Variants in RSPO3 observed in about 807,000 individuals in gnomAD.
RSPO3 encodes the protein R-spondin-3.
Under a neutral mutation model 36.5 loss-of-function variants are expected in RSPO3, and 17 were observed. That is an observed-to-expected ratio of 0.47 (90% CI 0.32 to 0.70). The LOEUF is 0.70. RSPO3 is among the 30% of genes least tolerant of loss of function. The pLI, the probability that RSPO3 is intolerant of heterozygous loss-of-function variation, is 0.04. For synonymous variants in RSPO3, 108 were observed against 107.0 expected (o/e 1.01, Z -0.06); for missense variants, 294 against 322.5 (o/e 0.91, Z 0.68).
intron 1 of RSPO3, among the ~76,000 whole-genome samples, chr6:127,142,816 T>G (rs558049877): frequency 6.6e-6 from 1 of 151,988 alleles, no homozygotes; most frequent in Non-Finnish European, 1.5e-5. Flanking sequence ...GTTTGTTTGT[T>G]TTTGTTTTTG....
Position 127,198,585 on chromosome 6 carries a change from T to G in RSPO3, c.*2578T>G, listed in dbSNP as rs1347241290. Among the ~76,000 whole-genome samples, 1 of 152,088 alleles carries G rather than the reference T, an allele frequency of 6.6e-6. No homozygotes were observed. Among genetic ancestry groups the G allele is most frequent in the Non-Finnish European group, 1.5e-5 (1 of 67,998 alleles). ...TTATTGATTCGAAGAATCGAGAGAG[T>G]GCAGCAACATAAATCTGTTAATGTC... On this transcript the variant is annotated 3_prime_UTR_variant, in exon 5 of 5. Transcript: ENST00000356698.
intron 4 of RSPO3, among the ~76,000 whole-genome samples, chr6:127,187,999 T>C (rs944396271): frequency 3.9e-5 from 6 of 152,128 alleles, no homozygotes. Context: ...GGCATCCTAG[T>C]ATGCAATACC....
At chr6:127,187,174 C>T (rs145855917) in intron 4 of RSPO3, among the ~76,000 whole-genome samples, 1 of 152,156 alleles carries the variant, frequency 6.6e-6, no homozygotes, top group East Asian at 1.9e-4. Flanking sequence ...CACATCAATT[C>T]GTTTTTGAGA....
intron 2 of RSPO3, among the ~76,000 whole-genome samples, chr6:127,149,708 C>T (rs968047253): frequency 2.0e-5 from 3 of 151,970 alleles, no homozygotes; most frequent in Non-Finnish European, 4.4e-5. Flanking sequence ...ACTAGACTGC[C>T]TGGTTTCAAA....
intron 1 of RSPO3, among the ~76,000 whole-genome samples, chr6:127,135,389 C>G (rs552675298): frequency 4.1e-5 from 6 of 147,228 alleles, no homozygotes; most frequent in Non-Finnish European, 8.9e-5. Flanking sequence ...CCACTGCACT[C>G]CAGCCTGGCA....
At chr6:127,160,027 A>G (rs1038546590) in intron 4 of RSPO3, among the ~76,000 whole-genome samples, 17 of 151,872 alleles carry the variant, frequency 1.1e-4, no homozygotes, top group African/African-American at 4.1e-4. Context: ...TTGCTGAATC[A>G]CTATTTAGCT....
intron 4 of RSPO3, among the ~76,000 whole-genome samples, chr6:127,179,030 C>T (rs924537893): frequency 2.0e-5 from 3 of 151,864 alleles, no homozygotes; most frequent in Non-Finnish European, 4.4e-5. Flanking sequence ...CCTGTTTTCA[C>T]ATTCTTTCAT....
At chr6:127,147,684 A>G (rs1478325159) in intron 1 of RSPO3, among the ~76,000 whole-genome samples, 3 of 152,156 alleles carry the variant, frequency 2.0e-5, no homozygotes, top group Non-Finnish European at 2.9e-5. Flanking sequence ...TCTCCCAAAT[A>G]TTCATTTCTG....
At chr6:127,148,578 T>C in intron 1 of RSPO3, 70 bp from the exon 2 acceptor site, 2 of 1,302,812 alleles carry the variant, frequency 1.5e-6, no homozygotes, top group South Asian at 3.1e-5. Flanking sequence ...ACATATATCC[T>C]GCCCAGAAAA....
At chr6:127,187,295 C>T (rs1775315537) in intron 4 of RSPO3, among the ~76,000 whole-genome samples, 1 of 151,968 alleles carries the variant, frequency 6.6e-6, no homozygotes, top group Admixed American at 6.6e-5. Context: ...GTTAGGACGC[C>T]CCACTGACTA....
chr6:127,154,526 T>G (rs1276146172), intron 3 of RSPO3, among the ~76,000 whole-genome samples: 1 of 152,158 alleles, frequency 6.6e-6, no homozygotes, highest in Non-Finnish European at 1.5e-5. Flanking sequence ...TGACCCAGAA[T>G]TCACATATAA....
At chr6:127,156,032 T>G (rs1198635428) in intron 4 of RSPO3, among the ~76,000 whole-genome samples, 1 of 152,042 alleles carries the variant, frequency 6.6e-6, no homozygotes, top group East Asian at 1.9e-4. Flanking sequence ...CCTCCCAAAA[T>G]GCTGGGATTA....
intron 4 of RSPO3, among the ~76,000 whole-genome samples, chr6:127,183,146 G>A (rs926366322): frequency 5.3e-5 from 8 of 151,904 alleles, no homozygotes; most frequent in Non-Finnish European, 1.0e-4. Context: ...CAACCTCAGG[G>A]AAACTCTGAA....
chr6:127,174,770 T>C (rs1429263243), intron 4 of RSPO3, among the ~76,000 whole-genome samples: 1 of 151,858 alleles, frequency 6.6e-6, no homozygotes, highest in Non-Finnish European at 1.5e-5. Flanking sequence ...ACACATTTTT[T>C]TAAAGTATTT....
chr6:127,157,290 T>C (rs1774612800), intron 4 of RSPO3, among the ~76,000 whole-genome samples: 2 of 152,152 alleles, frequency 1.3e-5, no homozygotes, highest in South Asian at 4.1e-4. Context: ...TTGTACGTTA[T>C]TAATCAGTAT....
intron 4 of RSPO3, among the ~76,000 whole-genome samples, chr6:127,165,859 C>T (rs1037686608): frequency 4.6e-5 from 7 of 151,890 alleles, no homozygotes; most frequent in Non-Finnish European, 1.0e-4. Context: ...GTTTGGCTTA[C>T]ACAAAAGCTG....
chr6:127,137,326 G>A (rs1453325842), intron 1 of RSPO3, among the ~76,000 whole-genome samples: 1 of 152,068 alleles, frequency 6.6e-6, no homozygotes, highest in Non-Finnish European at 1.5e-5. Context: ...GGGAGGCAGA[G>A]GTTGCAGTGA....
intron 4 of RSPO3, among the ~76,000 whole-genome samples, chr6:127,168,136 T>C (rs1774859365): frequency 6.6e-6 from 1 of 152,130 alleles, no homozygotes; most frequent in Non-Finnish European, 1.5e-5. Context: ...GATGGCTGGG[T>C]CAAATGGTAT....
chr6:127,125,603 A>T (rs1773924673), intron 1 of RSPO3, among the ~76,000 whole-genome samples: 2 of 152,200 alleles, frequency 1.3e-5, no homozygotes, highest in Admixed American at 1.3e-4. Flanking sequence ...TTATTCAACT[A>T]AATTTAACAG....
Sources: gnomAD v4.1 joint callset for allele counts (sites outside exome capture counted in the v4.1 genomes callset) on GRCh38, gnomAD v4.1.1 for gene constraint, MANE v1.5 for transcripts, NCBI Gene and HGNC (gene_info 2026-07-23, HGNC 2026-07-21) for gene names.